The following COL25A1 variants were observed in gnomAD, a reference collection of about 807,000 sequenced individuals.
COL25A1 encodes collagen type XXV alpha 1 chain.
A neutral mutation model predicts 128.4 loss-of-function variants in COL25A1; 103 were observed. That is an observed-to-expected ratio of 0.80 (90% CI 0.68 to 0.94). The LOEUF is 0.94. COL25A1 is among the 40% of genes least tolerant of loss of function. The pLI, the probability that COL25A1 is intolerant of heterozygous loss-of-function variation, is 0.00. For synonymous variants in COL25A1, 279 were observed against 277.2 expected (o/e 1.01, Z -0.06); for missense variants, 745 against 840.0 (o/e 0.89, Z 1.40).
intron 4 of COL25A1, among the ~76,000 whole-genome samples, chr4:109,048,675 A>G (rs571712339): frequency 1.1e-4 from 17 of 152,162 alleles, no homozygotes; most frequent in Non-Finnish European, 1.8e-4. Flanking sequence ...TTTCTTTAAA[A>G]CCATCAAAAC....
intron 24 of COL25A1, 73 bp downstream of exon 24, chr4:108,859,583 T>C: frequency 1.6e-6 from 2 of 1,276,502 alleles, no homozygotes; most frequent in Middle Eastern, 2.5e-4. Context: ...TGGAAGCTCA[T>C]ATTTGCACAC....
Position 108,956,929 on chromosome 4 carries a change from G to A in COL25A1, c.493-15492C>T, listed in dbSNP as rs1389698234. On this transcript the variant is annotated intron_variant, in intron 8 of 37. Coordinates refer to ENST00000399132, the MANE Select transcript of COL25A1 (RefSeq NM_198721.4). ...CTAACATGGAATAAAAGAAAGTAAC[G>A]GTGTGTGAATCCAATAAACAAGTTA... is the stretch of plus-strand genomic sequence containing the variant. Among the ~76,000 whole-genome samples the A allele has an allele frequency of 3.3e-5, 5 of 152,076 alleles. No homozygotes were observed. In the South Asian group the frequency reaches 8.3e-4, roughly 25 times the overall value.
At chr4:109,220,067 T>A (rs1372580351) in intron 3 of COL25A1, among the ~76,000 whole-genome samples, 1 of 152,154 alleles carries the variant, frequency 6.6e-6, no homozygotes, top group East Asian at 1.9e-4. Context: ...ATAGAGGCAA[T>A]AAACCCATAT....
At position 108,852,217 on chromosome 4, in the gene COL25A1, C is replaced by A; in HGVS notation, c.1389+19G>T. The stretch of plus-strand genomic sequence containing the variant: ...CTGCACTGTATGTGATAAATGGAAA[C>A]AAGTAAATAAAGAATAACCTTTGGC... On this transcript the variant is annotated intron_variant, in intron 26 of 37. Transcript: ENST00000399132. 6.3e-7 allele frequency: 1 copy of A among 1,595,802 alleles called. No individual in the cohort carries two copies. The highest frequency in any genetic ancestry group is 8.6e-7 in the Non-Finnish European group (1 of 1,166,270).
At chr4:108,942,240 G>A (rs774657047) in intron 8 of COL25A1, 3 of 1,550,238 alleles carry the variant, frequency 1.9e-6, no homozygotes, top group South Asian at 2.4e-5. Flanking sequence ...ACTGTGCAGG[G>A]CAGCAACTGT....
chr4:109,245,522 GA>G (rs1022271149), intron 3 of COL25A1, among the ~76,000 whole-genome samples: 15 of 152,214 alleles, frequency 9.9e-5, no homozygotes, highest in African/African-American at 3.4e-4. Flanking sequence ...GACAAGCAGG[GA>G]AAGAATCAGT....
intron 3 of COL25A1, among the ~76,000 whole-genome samples, chr4:109,256,812 C>A (rs1300289936): frequency 1.3e-5 from 2 of 152,150 alleles, no homozygotes; most frequent in Non-Finnish European, 2.9e-5. Flanking sequence ...CATACCTAAA[C>A]CTCCTTCTAG....
intron 5 of COL25A1, among the ~76,000 whole-genome samples, chr4:109,024,554 T>G (rs929612712): frequency 2.0e-5 from 3 of 151,950 alleles, no homozygotes; most frequent in Non-Finnish European, 4.4e-5. Context: ...ACAAAAATAG[T>G]GGTTCCCTAC....
chr4:109,006,679 A>T (rs1756040570), intron 6 of COL25A1, among the ~76,000 whole-genome samples: 1 of 152,158 alleles, frequency 6.6e-6, no homozygotes, highest in Admixed American at 6.5e-5. Context: ...TTAATGTAAG[A>T]TTTAATTTTA....
chr4:108,990,138 G>C (rs1415428866), intron 6 of COL25A1, among the ~76,000 whole-genome samples: 2 of 143,218 alleles, frequency 1.4e-5, no homozygotes, highest in African/African-American at 5.3e-5. Context: ...CTTGAATCCG[G>C]GAGGCAGAGG....
intron 6 of COL25A1, among the ~76,000 whole-genome samples, chr4:108,990,508 G>A (rs1376736657): frequency 1.3e-5 from 2 of 151,628 alleles, no homozygotes; most frequent in African/African-American, 4.8e-5. Context: ...ATATCTAACA[G>A]TGATAGTTGC....
At chr4:109,175,801 T>C (rs1774038904) in intron 3 of COL25A1, among the ~76,000 whole-genome samples, 1 of 152,240 alleles carries the variant, frequency 6.6e-6, no homozygotes, top group African/African-American at 2.4e-5. Context: ...CATACAGATG[T>C]CTAGTTGTAA....
chr4:108,823,818 T>G, intron 35 of COL25A1: 3 of 927,418 alleles, frequency 3.2e-6, no homozygotes, highest in Non-Finnish European at 4.3e-6. Flanking sequence ...CAGGGTTCAA[T>G]GAGCTCTGCC....
intron 3 of COL25A1, among the ~76,000 whole-genome samples, chr4:109,281,466 G>A (rs1172637206): frequency 6.6e-6 from 1 of 150,726 alleles, no homozygotes; most frequent in Non-Finnish European, 1.5e-5. Flanking sequence ...TTGAGTGGGA[G>A]GGATGGAAAG....
intron 3 of COL25A1, among the ~76,000 whole-genome samples, chr4:109,204,178 A>C (rs1182521412): frequency 1.3e-5 from 2 of 152,050 alleles, no homozygotes; most frequent in Non-Finnish European, 2.9e-5. Context: ...GTAGAAAAAC[A>C]CTCTTTTATC....
At chr4:108,907,326 C>G (rs941352994) in intron 13 of COL25A1, among the ~76,000 whole-genome samples, 1 of 152,162 alleles carries the variant, frequency 6.6e-6, no homozygotes. Context: ...GGGTCCAGAG[C>G]CTGGGGCATT....
At chr4:108,942,139 T>G in intron 8 of COL25A1, 2 of 1,488,002 alleles carry the variant, frequency 1.3e-6, no homozygotes, top group Non-Finnish European at 1.8e-6. Flanking sequence ...GCAAGCCAAT[T>G]GAATGGTTCC....
chr4:108,900,389 A>G lies in COL25A1; in HGVS notation c.834+730T>C, dbSNP rs533912117. On this transcript the variant is annotated intron_variant, in intron 14 of 37. Coordinates refer to ENST00000399132, the MANE Select transcript of COL25A1 (RefSeq NM_198721.4). ...CCTGTCAATAGCAAATGATCTGTAA[A>G]ATCAGCTGACAGGCATCTGTGGGTA... Among the ~76,000 whole-genome samples, 4 of 152,298 alleles carry G rather than the reference A, an allele frequency of 2.6e-5. No individual in the cohort carries two copies. The East Asian group carries it at 5.8e-4, about 22-fold the overall frequency.
At chr4:109,125,520 T>C (rs957818673) in intron 3 of COL25A1, among the ~76,000 whole-genome samples, 7 of 152,194 alleles carry the variant, frequency 4.6e-5, no homozygotes, top group Non-Finnish European at 1.0e-4. Flanking sequence ...TACATCTTCT[T>C]AAACCAAGTA....
Sources: gnomAD v4.1 joint callset for allele counts (sites outside exome capture counted in the v4.1 genomes callset) on GRCh38, gnomAD v4.1.1 for gene constraint, MANE v1.5 for transcripts, NCBI Gene and HGNC (gene_info 2026-07-23, HGNC 2026-07-21) for gene names.